The following IKZF3 variants were observed in gnomAD, a reference collection of about 807,000 sequenced individuals.
IKZF3 encodes the protein zinc finger protein Aiolos.
IKZF3 carries 10 observed loss-of-function variants against 49.0 expected under a neutral mutation model. The observed-to-expected ratio is 0.20, with a 90% CI of 0.13 to 0.35. The LOEUF (loss-of-function observed/expected upper bound fraction) is 0.35. Ranked by LOEUF, IKZF3 falls within the 10% of genes least tolerant of loss-of-function variation. The pLI is 1.00. For synonymous variants in IKZF3, 209 were observed against 228.2 expected (o/e 0.92, Z 0.76); for missense variants, 498 against 664.8 (o/e 0.75, Z 2.76).
At chr17:39,788,128 T>C in intron 6 of IKZF3, 130 bp downstream of exon 6, 1 of 607,874 alleles carries the variant, frequency 1.6e-6, no homozygotes, top group East Asian at 2.9e-5. Context: ...ACTTACAGTT[T>C]GCTCATTTAC....
At chr17:39,798,165 C>A (rs898394254) in intron 3 of IKZF3, among the ~76,000 whole-genome samples, 3 of 152,174 alleles carry the variant, frequency 2.0e-5, no homozygotes, top group Non-Finnish European at 4.4e-5. Flanking sequence ...CCACGATCTA[C>A]TTATTGCTGT....
chr17:39,777,971 A>G (rs2060633043), intron 6 of IKZF3: 2 of 1,245,156 alleles, frequency 1.6e-6, no homozygotes, highest in East Asian at 3.5e-5. Flanking sequence ...TTGCAGTCTT[A>G]TGCCGAGATG....
chr17:39,810,860 G>T (rs1430511718), intron 3 of IKZF3, among the ~76,000 whole-genome samples: 1 of 152,162 alleles, frequency 6.6e-6, no homozygotes, highest in Admixed American at 6.5e-5. Flanking sequence ...TTTGATAAAA[G>T]AAATTATCTA....
At chr17:39,844,041 A>T (rs1056280853) in intron 1 of IKZF3, among the ~76,000 whole-genome samples, 5 of 152,164 alleles carry the variant, frequency 3.3e-5, no homozygotes, top group Admixed American at 6.5e-5. Flanking sequence ...ATGCAGCAAA[A>T]ACATCTTAGT....
intron 3 of IKZF3, among the ~76,000 whole-genome samples, chr17:39,829,076 G>C (rs367949538): frequency 6.6e-6 from 1 of 152,098 alleles, no homozygotes; most frequent in Non-Finnish European, 1.5e-5. Flanking sequence ...AAATTGGTTT[G>C]TTGGTGTCAG....
Position 39,786,919 on chromosome 17 carries a change from T to C in IKZF3, c.709+1339A>G, listed in dbSNP as rs577362767. 2.0e-5 allele frequency among the ~76,000 whole-genome samples: 3 copies of C among 152,326 alleles called. No individual in the cohort carries two copies. The East Asian group carries it at 5.8e-4, about 29-fold the overall frequency. ...AGCACTGCAAGCCATCAGAATTCAG[T>C]TGGCCAGCTCCTAACATCATGCAAT... is the stretch of plus-strand genomic sequence containing the variant. On this transcript the variant is annotated intron_variant, in intron 6 of 7. Transcript: ENST00000346872.
At chr17:39,772,505 A>G (rs1372001373) in intron 7 of IKZF3, among the ~76,000 whole-genome samples, 1 of 152,228 alleles carries the variant, frequency 6.6e-6, no homozygotes, top group African/African-American at 2.4e-5. Context: ...AGAATATCCA[A>G]CCATCATCAT....
intron 6 of IKZF3, among the ~76,000 whole-genome samples, chr17:39,783,002 T>C (rs2060782792): frequency 6.6e-6 from 1 of 152,244 alleles, no homozygotes. Context: ...TTGGTTTTAG[T>C]TAACTATTTC....
chr17:39,852,335 T>C (rs1208281195), intron 1 of IKZF3, among the ~76,000 whole-genome samples: 1 of 152,144 alleles, frequency 6.6e-6, no homozygotes, highest in Non-Finnish European at 1.5e-5. Flanking sequence ...TCTACCCACT[T>C]CGATTTGGTT....
chr17:39,763,709 A>G lies in IKZF3; in HGVS notation c.*2081T>C, dbSNP rs1442974294. The G allele has an allele frequency of 1.3e-5, 2 of 152,234 alleles. No homozygotes were observed. The highest frequency in any genetic ancestry group is 2.9e-5 in the Non-Finnish European group (2 of 68,052). 9.4% of individuals were successfully genotyped at this position (152,234 alleles called of 1,614,324 possible). A position where few individuals can be genotyped will look rare whatever the true frequency, so the allele number is the denominator to read the frequency against. On this transcript the variant is annotated 3_prime_UTR_variant, in exon 8 of 8. Transcript: ENST00000346872. ...ATAAATACTCTTCTGCTTAATATCC[A>G]TACATTAGGAGGTTTAAAAAATACC...
In IKZF3 at chr17:39,760,789, T is replaced by A. The variant is rs1290391850; in HGVS notation, c.*5001A>T. ...GAAAAACTTTATGTGGATGTGAGAT[T>A]TGATAGTAACACAGTGTTTCACCTG... On this transcript the variant is annotated 3_prime_UTR_variant, in exon 8 of 8. Coordinates refer to ENST00000346872, the MANE Select transcript of IKZF3 (RefSeq NM_012481.5). 1 of 152,266 alleles carries A rather than the reference T, an allele frequency of 6.6e-6. No individual in the cohort carries two copies. Among genetic ancestry groups the A allele is most frequent in the Non-Finnish European group, 1.5e-5 (1 of 68,054 alleles). The allele number at this position is 152,266 out of a possible 1,614,324, so 9.4% of individuals were successfully genotyped here. A position where few individuals can be genotyped will look rare whatever the true frequency, so the allele number is the denominator to read the frequency against.
chr17:39,863,945 A>C (rs1436506776), intron 1 of IKZF3, among the ~76,000 whole-genome samples, 175 bp downstream of exon 1: 1 of 152,238 alleles, frequency 6.6e-6, no homozygotes, highest in Admixed American at 6.5e-5. Context: ...GGGGAAGGAC[A>C]AGTGAGAGAC....
chr17:39,766,332 G>T lies in IKZF3; in HGVS notation c.988C>A (p.Pro330Thr), dbSNP rs2060291234. 3 of 1,614,070 alleles carry T rather than the reference G, an allele frequency of 1.9e-6. No homozygotes were observed. Among genetic ancestry groups the T allele is most frequent in the Admixed American group, 1.7e-5 (1 of 60,002 alleles). Residue 330 changes from proline to threonine, a missense_variant, in exon 8 of 8, where the codon CCC (proline) becomes ACC (threonine). Coordinates refer to ENST00000346872, the MANE Select transcript of IKZF3 (RefSeq NM_012481.5). The stretch of plus-strand genomic sequence containing the variant: ...ATAACTGGAACCATCTCCGAGGTGG[G>T]AGCAGGCGGTGTCTGGACCAAGGGG... Reference protein sequence around the residue: ...LRPLVQTPPAPTSEMVPVISS... With the variant: ...LRPLVQTPPATTSEMVPVISS...
Position 39,779,646 on chromosome 17 carries a change from G to GTTTTT in IKZF3, c.710-1884_710-1880dup, listed in dbSNP as rs138812490. Among the ~76,000 whole-genome samples the GTTTTT allele has an allele frequency of 8.2e-4, 97 of 117,594 alleles. 13 individuals carry two copies. The highest frequency in any genetic ancestry group is 1.1e-3 in the Non-Finnish European group (62 of 57,430). 77.1% of individuals were successfully genotyped at this position (117,594 alleles called of 152,430 possible). On this transcript the variant is annotated intron_variant, in intron 6 of 7. Coordinates refer to ENST00000346872, the MANE Select transcript of IKZF3 (RefSeq NM_012481.5). ...ATATAGTCTCTATGTTATATTCTTTGTTTTTTGTTTTTTTTTTTTCTGTTC... is the reference window on the plus strand; with the variant it reads ...ATATAGTCTCTATGTTATATTCTTTGTTTTTTTTTTTGTTTTTTTTTTTTCTGTTC...
In IKZF3 at chr17:39,811,377, AGGAAGGAAGGAAGAAAGGAC is replaced by A. The variant is rs1233814842; in HGVS notation, c.163+17990_163+18009del. ...AGACAGAAAGGGAAAGAAAGAAGGAAGGAAGGAAGGAAGAAAGGACGGAAGGAAGAAAGGAAGGAAGAAAA... is the reference window on the plus strand; with the variant it reads ...AGACAGAAAGGGAAAGAAAGAAGGAAGGAAGGAAGAAAGGAAGGAAGAAAA... On this transcript the variant is annotated intron_variant, in intron 3 of 7. Transcript: ENST00000346872. Among the ~76,000 whole-genome samples the A allele has an allele frequency of 7.0e-3, 1,056 of 150,560 alleles. 12 individuals carry two copies. The highest frequency in any genetic ancestry group is 0.024 in the African/African-American group (983 of 40,600).
chr17:39,784,484 A>G (rs1028886191), intron 6 of IKZF3, among the ~76,000 whole-genome samples: 5 of 151,640 alleles, frequency 3.3e-5, no homozygotes, highest in African/African-American at 1.2e-4. Context: ...GCTCACTGCA[A>G]CCTCCACCTC....
rs947775706 is a variant in IKZF3, at chr17:39,837,284, G to A, written c.8-5133C>T. Among the ~76,000 whole-genome samples, 5 of 151,856 alleles carry A rather than the reference G, an allele frequency of 3.3e-5. 1 individual carries two copies. Among genetic ancestry groups the A allele is most frequent in the African/African-American group, 7.3e-5 (3 of 41,308 alleles). ...GATTTGAGTTCTGATCTGGTATCAC[G>A]TCCCTACAGTCTAAAGAACTTTAGC... On this transcript the variant is annotated intron_variant, in intron 1 of 7. Coordinates refer to ENST00000346872, the MANE Select transcript of IKZF3 (RefSeq NM_012481.5).
At chr17:39,853,199 G>A (rs1204718689) in intron 1 of IKZF3, among the ~76,000 whole-genome samples, 2 of 151,956 alleles carry the variant, frequency 1.3e-5, no homozygotes, top group Admixed American at 1.3e-4. Context: ...AATTCCATAA[G>A]GGCCAAAGCT....
At position 39,775,760 on chromosome 17, in the gene IKZF3, A is replaced by G. The variant is rs1044973088; in HGVS notation, c.826+1891T>C. On this transcript the variant is annotated intron_variant, in intron 7 of 7. Transcript: ENST00000346872. ...ACCAACATGGAGAAACCCTGTCTCT[A>G]CTAAAAATACAAAATTAGCCAGGCA... is the stretch of plus-strand genomic sequence containing the variant. Among the ~76,000 whole-genome samples the G allele has an allele frequency of 4.6e-5, 7 of 152,192 alleles. No homozygotes were observed. The South Asian group carries it at 1.5e-3, about 32-fold the overall frequency.
Sources: gnomAD v4.1 joint callset for allele counts (sites outside exome capture counted in the v4.1 genomes callset) on GRCh38, gnomAD v4.1.1 for gene constraint, MANE v1.5 for transcripts, NCBI Gene and HGNC (gene_info 2026-07-23, HGNC 2026-07-21) for gene names.